SNTG2: variants seen among roughly 807,000 people sequenced by gnomAD.
SNTG2 encodes gamma-2-syntrophin.
SNTG2 carries 74 observed loss-of-function variants against 70.9 expected under a neutral mutation model. The ratio of observed to expected loss-of-function variants is 1.04; its 90% CI spans 0.86 to 1.27. The LOEUF is 1.27. Ranked by LOEUF, SNTG2 falls within the 50% of genes most tolerant of loss-of-function variation. The pLI, the probability that SNTG2 is intolerant of heterozygous loss-of-function variation, is 0.00. For missense variants in SNTG2, 717 were observed against 690.7 expected, an observed-to-expected ratio of 1.04 and a Z score of -0.43; for synonymous variants, 278 against 273.8, an observed-to-expected ratio of 1.02 and a Z score of -0.15.
Position 1,367,549 on chromosome 2 carries a change from C to T in SNTG2, c.*75C>T. ...GATTCTTTCCTGCAGAATATTGCAA[C>T]TTTGTGTTGTTTTATGATGAGCCTA... On this transcript the variant is annotated 3_prime_UTR_variant, in exon 17 of 17. Transcript: ENST00000308624. 1.3e-6 allele frequency: 2 copies of T among 1,502,402 alleles called. No homozygotes were observed. The highest frequency in any genetic ancestry group is 9.0e-7 in the Non-Finnish European group (1 of 1,114,816). 93.1% of individuals were successfully genotyped at this position (1,502,402 alleles called of 1,614,324 possible). A position where few individuals can be genotyped will look rare whatever the true frequency, so the allele number is the denominator to read the frequency against.
intron 16 of SNTG2, among the ~76,000 whole-genome samples, chr2:1,321,427 G>A (rs535147424): frequency 1.1e-4 from 16 of 152,270 alleles, no homozygotes; most frequent in African/African-American, 2.6e-4. Flanking sequence ...TGTGCCAGCC[G>A]CAGATGGAGG....
chr2:1,319,730 G>A (rs1256399810), intron 16 of SNTG2, among the ~76,000 whole-genome samples: 1 of 152,238 alleles, frequency 6.6e-6, no homozygotes, highest in African/African-American at 2.4e-5. Context: ...GTGGATAACT[G>A]CAAACACTTA....
intron 14 of SNTG2, among the ~76,000 whole-genome samples, chr2:1,297,352 C>G (rs112476044): frequency 1.1e-3 from 162 of 152,346 alleles, no homozygotes; most frequent in African/African-American, 3.7e-3. Context: ...CGTTACTTTG[C>G]CATCTGATAT....
chr2:978,449 GA>G (rs1660986319), intron 1 of SNTG2, among the ~76,000 whole-genome samples: 1 of 152,050 alleles, frequency 6.6e-6, no homozygotes, highest in Non-Finnish European at 1.5e-5. Context: ...ATCCAACAAG[GA>G]ACATATCTCA....
chr2:953,214 C>T (rs1421626462), intron 1 of SNTG2, among the ~76,000 whole-genome samples: 4 of 152,192 alleles, frequency 2.6e-5, no homozygotes, highest in Non-Finnish European at 4.4e-5. Flanking sequence ...GGAGCTCTGT[C>T]TCTGACCATA....
intron 6 of SNTG2, among the ~76,000 whole-genome samples, chr2:1,154,945 A>G (rs1223199319): frequency 5.5e-5 from 5 of 91,460 alleles, no homozygotes; most frequent in African/African-American, 8.2e-5. Context: ...CACCACACAC[A>G]TAAACTCACA....
Position 1,100,394 on chromosome 2 carries a change from C to G in SNTG2, c.325+1984C>G, listed in dbSNP as rs189140027. On this transcript the variant is annotated intron_variant, in intron 4 of 16. Coordinates refer to ENST00000308624, the MANE Select transcript of SNTG2 (RefSeq NM_018968.4). ...TCCTGACCTCAGGTGATCTGCCTGC[C>G]TCCGCCTCCCAAAGTGCTGGGATTA... Among the ~76,000 whole-genome samples, 832 of 152,332 alleles carry G rather than the reference C, an allele frequency of 5.5e-3. 7 individuals are homozygous for G. The highest frequency in any genetic ancestry group is 0.019 in the African/African-American group (808 of 41,578).
At chr2:1,139,479 G>C (rs540994523) in intron 6 of SNTG2, among the ~76,000 whole-genome samples, 8 of 152,108 alleles carry the variant, frequency 5.3e-5, no homozygotes, top group Admixed American at 1.3e-4. Flanking sequence ...CAGGTGATCT[G>C]CCCACCCTGG....
intron 9 of SNTG2, among the ~76,000 whole-genome samples, chr2:1,232,122 G>C (rs181722562): frequency 3.9e-5 from 6 of 152,084 alleles, no homozygotes; most frequent in African/African-American, 1.2e-4. Flanking sequence ...AGCACTGCCC[G>C]GGGAAGTGAG....
At chr2:1,014,759 G>T (rs1018907230) in intron 1 of SNTG2, among the ~76,000 whole-genome samples, 4 of 150,326 alleles carry the variant, frequency 2.7e-5, no homozygotes, top group East Asian at 3.9e-4. Context: ...GGGTGGTCTG[G>T]AGAAGGATTT....
chr2:999,892 G>A (rs541350606), intron 1 of SNTG2, among the ~76,000 whole-genome samples: 3 of 151,924 alleles, frequency 2.0e-5, no homozygotes, highest in African/African-American at 4.8e-5. Context: ...ACAAGTCTAA[G>A]TAAATTTTCA....
intron 8 of SNTG2, among the ~76,000 whole-genome samples, chr2:1,198,196 C>T (rs1363391238): frequency 6.6e-6 from 1 of 151,914 alleles, no homozygotes; most frequent in Non-Finnish European, 1.5e-5. Context: ...TAAGAAGAAC[C>T]TTAGAAACTA....
rs186824882 is a variant in SNTG2, at chr2:1,240,192, G to C, written c.888+416G>C. Reference sequence around the variant, plus strand: ...CCTTACTAGGAAAGCTTCATTCTCAGGAGGGCTTTGGCCCAGTGGGTGTTA... The same window carrying C: ...CCTTACTAGGAAAGCTTCATTCTCACGAGGGCTTTGGCCCAGTGGGTGTTA... On this transcript the variant is annotated intron_variant, in intron 11 of 16. Coordinates refer to ENST00000308624, the MANE Select transcript of SNTG2 (RefSeq NM_018968.4). Among the ~76,000 whole-genome samples, 18 of 152,266 alleles carry C rather than the reference G, an allele frequency of 1.2e-4. No individual in the cohort carries two copies. In the East Asian group the frequency reaches 3.3e-3, roughly 28 times the overall value.
chr2:950,949 C>G lies in SNTG2; in HGVS notation c.-48C>G. On this transcript the variant is annotated 5_prime_UTR_variant, in exon 1 of 17. Transcript: ENST00000308624. Reference sequence around the variant, plus strand: ...CTGGGAGGCTCGGACGGGGTCCTGGCGTTGAGCTCGGCCGGCCCGGAGCGC... The same window carrying G: ...CTGGGAGGCTCGGACGGGGTCCTGGGGTTGAGCTCGGCCGGCCCGGAGCGC... 2.0e-6 allele frequency: 2 copies of G among 1,018,150 alleles called. 1 individual carries two copies. Among genetic ancestry groups the G allele is most frequent in the African/African-American group, 3.4e-5 (2 of 59,508 alleles). 63.1% of individuals were successfully genotyped at this position (1,018,150 alleles called of 1,614,324 possible). A position where few individuals can be genotyped will look rare whatever the true frequency, so the allele number is the denominator to read the frequency against.
At chr2:1,198,023 AT>A (rs1194514484) in intron 8 of SNTG2, among the ~76,000 whole-genome samples, 3 of 152,030 alleles carry the variant, frequency 2.0e-5, no homozygotes, top group African/African-American at 4.8e-5. Context: ...TATTTACAGA[AT>A]TTTTTTTAAT....
chr2:1,279,385 T>C (rs1679425541), intron 14 of SNTG2, among the ~76,000 whole-genome samples: 1 of 152,252 alleles, frequency 6.6e-6, no homozygotes, highest in Non-Finnish European at 1.5e-5. Flanking sequence ...TTAAACTTTA[T>C]TGCAGGTATG....
chr2:1,076,327 G>A (rs1663912036), intron 1 of SNTG2, among the ~76,000 whole-genome samples: 2 of 152,132 alleles, frequency 1.3e-5, no homozygotes, highest in South Asian at 4.1e-4. Context: ...AATTTGCGTG[G>A]TTAGTTTCTC....
chr2:1,273,516 A>G (rs1572902838), intron 14 of SNTG2, among the ~76,000 whole-genome samples: 1 of 152,122 alleles, frequency 6.6e-6, no homozygotes, highest in Non-Finnish European at 1.5e-5. Flanking sequence ...GATTCTGTGT[A>G]TGGCAGATGT....
rs143555490 is a variant in SNTG2 at position 1,032,384 on chromosome 2, C to T, written c.73-51134C>T. Among the ~76,000 whole-genome samples the T allele has an allele frequency of 1.0e-3, 156 of 152,110 alleles. 1 individual carries two copies. Among genetic ancestry groups the T allele is most frequent in the Middle Eastern group, 6.8e-3 (2 of 294 alleles). On this transcript the variant is annotated intron_variant, in intron 1 of 16. Coordinates refer to ENST00000308624, the MANE Select transcript of SNTG2 (RefSeq NM_018968.4). ...ATGAAAACGAAACTACACACACGCA[C>T]GCACATATATCAGGAATCTGTAGCA... is the stretch of plus-strand genomic sequence containing the variant.
Sources: gnomAD v4.1 joint callset for allele counts (sites outside exome capture counted in the v4.1 genomes callset) on GRCh38, gnomAD v4.1.1 for gene constraint, MANE v1.5 for transcripts, NCBI Gene and HGNC (gene_info 2026-07-23, HGNC 2026-07-21) for gene names.